JARID2: variants seen among roughly 807,000 people sequenced by gnomAD.
The protein encoded by JARID2 is protein Jumonji.
JARID2 carries 21 observed loss-of-function variants against 125.6 expected under a neutral mutation model. That is an observed-to-expected ratio of 0.17 (90% CI 0.12 to 0.24). The LOEUF is 0.24. JARID2 is among the 10% of genes least tolerant of loss of function. JARID2 has a pLI of 1.00. For missense variants in JARID2, 1,303 were observed against 1,639.6 expected (o/e 0.79, Z 3.55); for synonymous variants, 736 against 661.6 (o/e 1.11, Z -1.73).
intron 1 of JARID2, among the ~76,000 whole-genome samples, chr6:15,302,888 C>T (rs921125958): frequency 6.6e-6 from 1 of 152,080 alleles, no homozygotes; most frequent in Non-Finnish European, 1.5e-5. Context: ...GCACCTGCCA[C>T]CATGCCCAGC....
intron 1 of JARID2, among the ~76,000 whole-genome samples, chr6:15,259,837 G>A (rs1434753572): frequency 6.6e-6 from 1 of 152,154 alleles, no homozygotes; most frequent in Non-Finnish European, 1.5e-5. Context: ...GCCACGATGA[G>A]CTGTCATTCC....
At chr6:15,483,489 C>G (rs1276260741) in intron 5 of JARID2, among the ~76,000 whole-genome samples, 2 of 151,760 alleles carry the variant, frequency 1.3e-5, no homozygotes, top group Non-Finnish European at 2.9e-5. Context: ...TGCTAAAGTA[C>G]CCGTGATTTC....
At chr6:15,368,338 C>A (rs1298782447) in intron 1 of JARID2, among the ~76,000 whole-genome samples, 2 of 152,122 alleles carry the variant, frequency 1.3e-5, no homozygotes, top group African/African-American at 4.8e-5. Flanking sequence ...TTGGATCCTT[C>A]ATTTGGTTCT....
At chr6:15,443,408 T>G (rs1767529726) in intron 3 of JARID2, among the ~76,000 whole-genome samples, 1 of 152,200 alleles carries the variant, frequency 6.6e-6, no homozygotes, top group South Asian at 2.1e-4. Flanking sequence ...TATTTAATCT[T>G]TAAGGGAGTA....
chr6:15,416,242 G>T (rs887497071), intron 3 of JARID2, among the ~76,000 whole-genome samples: 19 of 151,932 alleles, frequency 1.3e-4, no homozygotes, highest in Admixed American at 2.6e-4. Context: ...TGTCCCAGAC[G>T]ATGGGCGGCC....
At chr6:15,435,419 G>A (rs1767160005) in intron 3 of JARID2, among the ~76,000 whole-genome samples, 1 of 152,216 alleles carries the variant, frequency 6.6e-6, no homozygotes, top group African/African-American at 2.4e-5. Flanking sequence ...CTAGCTGAAT[G>A]TAAGAAAGTT....
chr6:15,404,723 A>G (rs1425942701), intron 2 of JARID2, among the ~76,000 whole-genome samples: 1 of 152,172 alleles, frequency 6.6e-6, no homozygotes, highest in Non-Finnish European at 1.5e-5. Flanking sequence ...CAACAAAGCT[A>G]AATACATTGA....
intron 1 of JARID2, among the ~76,000 whole-genome samples, chr6:15,296,746 G>A (rs1220450522): frequency 1.9e-4 from 29 of 152,180 alleles, no homozygotes; most frequent in African/African-American, 7.2e-5. Flanking sequence ...TGTCCCCATC[G>A]TCCTCTGAGC....
chr6:15,408,773 A>G (rs552140154), intron 2 of JARID2, among the ~76,000 whole-genome samples: 1 of 152,368 alleles, frequency 6.6e-6, no homozygotes, highest in South Asian at 2.1e-4. Flanking sequence ...GCACATGACT[A>G]GTGGCTACTG....
At chr6:15,249,135 C>T (rs1216652309) in intron 1 of JARID2, among the ~76,000 whole-genome samples, 3 of 152,182 alleles carry the variant, frequency 2.0e-5, no homozygotes, top group African/African-American at 4.8e-5. Flanking sequence ...TGCATGTGTC[C>T]CCTCTCCAGT....
intron 4 of JARID2, among the ~76,000 whole-genome samples, chr6:15,453,677 C>T (rs1262945437): frequency 6.6e-6 from 1 of 152,212 alleles, no homozygotes; most frequent in Non-Finnish European, 1.5e-5. Flanking sequence ...GGGTTATAAT[C>T]TGTTACTCCT....
chr6:15,512,862 A>G, intron 14 of JARID2, 53 bp from the exon 15 acceptor site: 1 of 1,570,400 alleles, frequency 6.4e-7, no homozygotes, highest in Non-Finnish European at 8.7e-7. Context: ...AAGAACCTTG[A>G]CAGCTGCCTA....
intron 5 of JARID2, among the ~76,000 whole-genome samples, chr6:15,473,150 C>G (rs1300969815): frequency 6.6e-6 from 1 of 152,206 alleles, no homozygotes; most frequent in African/African-American, 2.4e-5. Flanking sequence ...AGTGCTGAAA[C>G]ATAATCATAG....
intron 4 of JARID2, among the ~76,000 whole-genome samples, chr6:15,460,952 ACCTTGGCCT>A (rs1436191718): frequency 6.6e-6 from 1 of 152,024 alleles, no homozygotes; most frequent in African/African-American, 2.4e-5. Flanking sequence ...GTATCTGCCC[ACCTTGGCCT>A]CCCAAAGTGC....
At chr6:15,428,249 A>G (rs1766815887) in intron 3 of JARID2, among the ~76,000 whole-genome samples, 1 of 149,176 alleles carries the variant, frequency 6.7e-6, no homozygotes, top group Non-Finnish European at 1.5e-5. Context: ...TTGCAATGAT[A>G]GAATCTTCTT....
At chr6:15,285,067 C>G (rs1261995765) in intron 1 of JARID2, among the ~76,000 whole-genome samples, 1 of 147,420 alleles carries the variant, frequency 6.8e-6, no homozygotes, top group Admixed American at 6.8e-5. Flanking sequence ...AGAACAATTG[C>G]ATTGAATTGA....
At chr6:15,505,583 G>GC (rs894196634) in intron 9 of JARID2, among the ~76,000 whole-genome samples, 9 of 152,310 alleles carry the variant, frequency 5.9e-5, no homozygotes, top group Admixed American at 3.9e-4. Context: ...CAGCCCTGTG[G>GC]CCCACCCCTC....
intron 7 of JARID2, among the ~76,000 whole-genome samples, chr6:15,498,603 G>C (rs1163873177): frequency 6.6e-6 from 1 of 152,242 alleles, no homozygotes; most frequent in East Asian, 1.9e-4. Flanking sequence ...AAGGCATGGA[G>C]ACGTGTAGCC....
chr6:15,278,708 C>A (rs1760634082), intron 1 of JARID2, among the ~76,000 whole-genome samples: 2 of 152,190 alleles, frequency 1.3e-5, no homozygotes, highest in Non-Finnish European at 2.9e-5. Context: ...CTCCCCCATC[C>A]CTGCCAGTCT....
Sources: allele counts gnomAD v4.1 joint callset (sites outside exome capture counted in the v4.1 genomes callset), GRCh38; gene constraint gnomAD v4.1.1; transcripts MANE v1.5; gene names NCBI Gene and HGNC (gene_info 2026-07-23, HGNC 2026-07-21).